The following CWC27 variants were observed in gnomAD, a reference collection of about 807,000 sequenced individuals.
CWC27 encodes spliceosome-associated protein CWC27 homolog.
A neutral mutation model predicts 63.6 loss-of-function variants in CWC27; 47 were observed. The observed-to-expected ratio is 0.74, with a 90% CI of 0.58 to 0.94. The LOEUF is 0.94. Among genes scored for constraint, CWC27 ranks in the 40% least tolerant of loss-of-function variants. CWC27 has a pLI of 0.00. For synonymous variants in CWC27, 175 were observed against 179.8 expected, an observed-to-expected ratio of 0.97 and a Z score of 0.22; for missense variants, 495 against 554.3, an observed-to-expected ratio of 0.89 and a Z score of 1.07.
rs113652835 is a variant in CWC27, at chr5:64,769,285, G to C, written c.42+97G>C. 694 of 1,041,366 alleles carry C rather than the reference G, an allele frequency of 6.7e-4. 6 individuals are homozygous for C. In the African/African-American group the frequency reaches 9.7e-3, roughly 14 times the overall value. The allele number at this position is 1,041,366 out of a possible 1,614,324, so 64.5% of individuals were successfully genotyped here. A position where few individuals can be genotyped will look rare whatever the true frequency, so the allele number is the denominator to read the frequency against. On this transcript the variant is annotated intron_variant, in intron 1 of 13. Transcript: ENST00000381070. ...AGTGGGTTTCAGGATCTCGTGGTAG[G>C]AAGAGACCACGAGAAGTGTTGTCTT...
rs567679084 is a variant in CWC27 at position 65,004,783 on chromosome 5, A to G, written c.1257-13376A>G. Among the ~76,000 whole-genome samples the G allele has an allele frequency of 2.1e-5, 3 of 141,664 alleles. No individual in the cohort carries two copies. The South Asian group carries it at 6.9e-4, about 33-fold the overall frequency. 92.9% of individuals were successfully genotyped at this position (141,664 alleles called of 152,430 possible). On this transcript the variant is annotated intron_variant, in intron 13 of 13. Coordinates refer to ENST00000381070, the MANE Select transcript of CWC27 (RefSeq NM_005869.4). ...GCTTTTTCATGTTTCTTGTGTCCTT[A>G]CTTTTATATGTGCACAGCTGGTCTA...
chr5:64,840,436 T>TATA (rs1745802323), intron 10 of CWC27, among the ~76,000 whole-genome samples: 3 of 112,118 alleles, frequency 2.7e-5, no homozygotes, highest in East Asian at 5.4e-4. Context: ...TATATACTTA[T>TATA]TAAGGACATT....
intron 11 of CWC27, among the ~76,000 whole-genome samples, chr5:64,891,788 T>TGTTGTTGTC (rs1233854607): frequency 2.6e-5 from 4 of 151,300 alleles, no homozygotes; most frequent in African/African-American, 9.8e-5. Flanking sequence ...TTGTTGTTGT[T>TGTTGTTGTC]GTTGTTGTTG....
intron 13 of CWC27, among the ~76,000 whole-genome samples, chr5:64,979,651 G>C (rs1749295163): frequency 1.3e-5 from 2 of 152,144 alleles, no homozygotes; most frequent in South Asian, 4.1e-4. Context: ...AAATTACATG[G>C]TTCCCAGACT....
At chr5:64,994,982 T>C (rs917291113) in intron 13 of CWC27, among the ~76,000 whole-genome samples, 1 of 151,758 alleles carries the variant, frequency 6.6e-6, no homozygotes, top group South Asian at 2.1e-4. Flanking sequence ...TATGTGTATA[T>C]CTTTTTTATT....
chr5:64,952,026 T>C (rs999050431), intron 11 of CWC27, among the ~76,000 whole-genome samples: 4 of 151,978 alleles, frequency 2.6e-5, no homozygotes, highest in South Asian at 2.1e-4. Context: ...CATGGAGGAT[T>C]GGTTCCAGGA....
At chr5:64,956,177 G>A (rs1319596386) in intron 11 of CWC27, among the ~76,000 whole-genome samples, 7 of 151,970 alleles carry the variant, frequency 4.6e-5, no homozygotes, top group Admixed American at 3.9e-4. Context: ...CAATAATTAG[G>A]TATAGGAATA....
intron 11 of CWC27, among the ~76,000 whole-genome samples, chr5:64,907,563 G>A (rs909932180): frequency 2.6e-5 from 4 of 152,162 alleles, no homozygotes; most frequent in African/African-American, 9.7e-5. Context: ...GAGATTGTGG[G>A]CTGAGACACT....
intron 10 of CWC27, among the ~76,000 whole-genome samples, chr5:64,866,188 G>A (rs1197134534): frequency 1.3e-5 from 2 of 151,976 alleles, no homozygotes; most frequent in African/African-American, 4.8e-5. Context: ...GATTATATGT[G>A]TACACATACT....
chr5:64,902,747 GA>G (rs1272634842), intron 11 of CWC27, among the ~76,000 whole-genome samples: 8 of 151,494 alleles, frequency 5.3e-5, no homozygotes, highest in Admixed American at 6.6e-5. Context: ...CAATTTCTAC[GA>G]AAAAAAAGCC....
intron 10 of CWC27, among the ~76,000 whole-genome samples, chr5:64,840,575 T>A (rs939476124): frequency 6.6e-6 from 1 of 151,518 alleles, no homozygotes; most frequent in Non-Finnish European, 1.5e-5. Context: ...GGTAACAGTA[T>A]GTACCACATA....
chr5:64,887,789 C>T (rs546067296), intron 11 of CWC27, among the ~76,000 whole-genome samples: 227 of 152,046 alleles, frequency 1.5e-3, no homozygotes, highest in Non-Finnish European at 2.5e-3. Context: ...ATAATAAATT[C>T]ATAGTCAATT....
chr5:64,944,470 T>C (rs1017645357), intron 11 of CWC27, among the ~76,000 whole-genome samples: 13 of 152,210 alleles, frequency 8.5e-5, no homozygotes, highest in African/African-American at 3.1e-4. Context: ...TAAATTTATT[T>C]GAAAACATCT....
rs970645614 is a variant in CWC27, at chr5:64,903,199, C to A, written c.1042+17653C>A. ...GGTATATACCCAAAGGATTATAAAT[C>A]ATTCTACTATAAAGACACATGCACA... On this transcript the variant is annotated intron_variant, in intron 11 of 13. Coordinates refer to ENST00000381070, the MANE Select transcript of CWC27 (RefSeq NM_005869.4). Among the ~76,000 whole-genome samples, 5 of 152,266 alleles carry A rather than the reference C, an allele frequency of 3.3e-5. No homozygotes were observed. In the East Asian group the frequency reaches 5.8e-4, roughly 18 times the overall value.
At chr5:65,012,232 G>A (rs759193962) in intron 13 of CWC27, among the ~76,000 whole-genome samples, 2 of 152,160 alleles carry the variant, frequency 1.3e-5, no homozygotes, top group African/African-American at 4.8e-5. Flanking sequence ...CAGGATGAAA[G>A]TTTTGTTACC....
intron 10 of CWC27, among the ~76,000 whole-genome samples, chr5:64,843,870 C>T (rs1745908759): frequency 6.6e-6 from 1 of 152,050 alleles, no homozygotes; most frequent in Non-Finnish European, 1.5e-5. Flanking sequence ...AGCAAAATAA[C>T]AGAAGAGGAA....
intron 11 of CWC27, among the ~76,000 whole-genome samples, chr5:64,958,803 A>G (rs1748850433): frequency 6.6e-6 from 1 of 152,174 alleles, no homozygotes; most frequent in South Asian, 2.1e-4. Context: ...AACATGAAGC[A>G]ATGAAGCTAG....
chr5:64,855,552 C>T (rs1746233238), intron 10 of CWC27, among the ~76,000 whole-genome samples: 1 of 151,966 alleles, frequency 6.6e-6, no homozygotes, highest in Non-Finnish European at 1.5e-5. Context: ...AAACTAAGTG[C>T]CATGAGGAAC....
At chr5:64,842,105 T>G (rs1745859898) in intron 10 of CWC27, among the ~76,000 whole-genome samples, 1 of 152,220 alleles carries the variant, frequency 6.6e-6, no homozygotes, top group Admixed American at 6.5e-5. Context: ...ACATTTTGTC[T>G]ATTGCTGCTT....
Sources: gnomAD v4.1 joint callset for allele counts (sites outside exome capture counted in the v4.1 genomes callset) on GRCh38, gnomAD v4.1.1 for gene constraint, MANE v1.5 for transcripts, NCBI Gene and HGNC (gene_info 2026-07-23, HGNC 2026-07-21) for gene names.